Variants in DIAPH1 observed in about 807,000 individuals in gnomAD.
DIAPH1 encodes the protein protein diaphanous homolog 1.
DIAPH1 carries 46 observed loss-of-function variants against 140.7 expected under a neutral mutation model. The ratio of observed to expected loss-of-function variants is 0.33; its 90% CI spans 0.26 to 0.42. The LOEUF (loss-of-function observed/expected upper bound fraction) is 0.42, where lower values mean the gene tolerates loss of function less well. DIAPH1 is among the 10% of genes least tolerant of loss of function. DIAPH1 has a pLI of 1.00. For synonymous variants in DIAPH1, 565 were observed against 551.6 expected, an observed-to-expected ratio of 1.02 and a Z score of -0.34; for missense variants, 1,310 against 1,558.7, an observed-to-expected ratio of 0.84 and a Z score of 2.69.
chr5:141,526,258 G>A (rs1475848492), intron 25 of DIAPH1, 39 bp downstream of exon 25: 10 of 1,614,078 alleles, frequency 6.2e-6, no homozygotes, highest in Non-Finnish European at 8.5e-6. Context: ...AGTGAGAAAT[G>A]CCCACAAAAG....
Position 141,606,512 on chromosome 5 carries a change from G to A in DIAPH1, c.117+12286C>T, listed in dbSNP as rs537936405. ...TGGGTTCAAGCAATTCTCCTGCCTC[G>A]GCCTCCCGGGTAGCTGGGACTACAA... On this transcript the variant is annotated intron_variant, in intron 1 of 27. Transcript: ENST00000389054. 4.6e-5 allele frequency among the ~76,000 whole-genome samples: 7 copies of A among 151,956 alleles called. No individual in the cohort carries two copies. In the East Asian group the frequency reaches 1.4e-3, roughly 30 times the overall value.
chr5:141,547,868 T>C (rs968333853), intron 18 of DIAPH1, among the ~76,000 whole-genome samples: 1 of 152,024 alleles, frequency 6.6e-6, no homozygotes, highest in African/African-American at 2.4e-5. Flanking sequence ...TGGCATATCA[T>C]CATAGTAAAA....
At chr5:141,527,408 C>T (rs1249297924) in intron 24 of DIAPH1, among the ~76,000 whole-genome samples, 165 bp downstream of exon 24, 1 of 151,910 alleles carries the variant, frequency 6.6e-6, no homozygotes, top group African/African-American at 2.4e-5. Flanking sequence ...ACAGAGAGAG[C>T]CTGTCTCAAA....
At chr5:141,530,256 A>C (rs956476330) in intron 19 of DIAPH1, among the ~76,000 whole-genome samples, 11 of 152,152 alleles carry the variant, frequency 7.2e-5, no homozygotes, top group African/African-American at 2.2e-4. Context: ...CTTCAGCCTT[A>C]TCAGGACCTC....
chr5:141,559,245 T>C (rs2099893147), intron 18 of DIAPH1, among the ~76,000 whole-genome samples: 1 of 152,182 alleles, frequency 6.6e-6, no homozygotes, highest in Non-Finnish European at 1.5e-5. Context: ...GGTTGTAATA[T>C]ACATAAGGGA....
intron 27 of DIAPH1, among the ~76,000 whole-genome samples, chr5:141,518,010 C>T (rs1424684105): frequency 6.6e-6 from 1 of 152,204 alleles, no homozygotes; most frequent in African/African-American, 2.4e-5. Context: ...TGTGTATACA[C>T]AAACAGCTGT....
At chr5:141,566,217 G>A (rs963001835) in intron 18 of DIAPH1, among the ~76,000 whole-genome samples, 1 of 152,154 alleles carries the variant, frequency 6.6e-6, no homozygotes, top group African/African-American at 2.4e-5. Context: ...ATCCTAGAAC[G>A]GGGGAATGGT....
In DIAPH1 at chr5:141,526,081, T is replaced by C; in HGVS notation, c.3531A>G (p.Leu1177=). The change falls in exon 26 of 28, where the codon CTA becomes CTG. Residue 1177 remains leucine, a synonymous_variant. Transcript: ENST00000389054. ...LAKEKAEKER[L]EKQQKREQLI... is the part of the protein sequence containing the mutation. Reference sequence around the variant, plus strand: ...GTTGCTCTCTCTTCTGCTGCTTCTCTAGCCGCTCCTTCTCTGCCTTCTCCT... The same window carrying C: ...GTTGCTCTCTCTTCTGCTGCTTCTCCAGCCGCTCCTTCTCTGCCTTCTCCT... The C allele has an allele frequency of 6.2e-7, 1 of 1,614,116 alleles. No individual in the cohort carries two copies. The highest frequency in any genetic ancestry group is 1.3e-5 in the African/African-American group (1 of 75,012).
chr5:141,528,459 T>C lies in DIAPH1; in HGVS notation c.3142A>G (p.Ser1048Gly). ...PDELAHVEKA[S>G]RVSAENLQKN... ...TCATTCCAAACTGCCCCACCTCGGC[T>C]GGCTTTCTCCACATGGGCAAGCTCG... is the stretch of plus-strand genomic sequence containing the variant. Residue 1048 changes from serine to glycine, a missense_variant, in exon 23 of 28, where the codon AGC (serine) becomes GGC (glycine). Ser to Gly is a moderately conservative substitution (Grantham distance 56). Transcript: ENST00000389054. 4 of 1,614,238 alleles carry C rather than the reference T, an allele frequency of 2.5e-6. No homozygotes were observed. Among genetic ancestry groups the C allele is most frequent in the Non-Finnish European group, 3.4e-6 (4 of 1,180,042 alleles).
intron 18 of DIAPH1, among the ~76,000 whole-genome samples, chr5:141,539,825 A>G (rs1054681652): frequency 6.6e-6 from 1 of 151,770 alleles, no homozygotes; most frequent in African/African-American, 2.4e-5. Context: ...TTCTTGGTCA[A>G]TCTGGCTAAA....
chr5:141,610,412 T>A (rs1355932684), intron 1 of DIAPH1, among the ~76,000 whole-genome samples: 1 of 152,156 alleles, frequency 6.6e-6, no homozygotes, highest in Non-Finnish European at 1.5e-5. Context: ...GCAATTCTCC[T>A]GCCTCAGCCT....
chr5:141,525,279 C>T lies in DIAPH1; in HGVS notation c.3574+759G>A, dbSNP rs145805190. 3.5e-3 allele frequency among the ~76,000 whole-genome samples: 532 copies of T among 152,254 alleles called. 5 individuals carry two copies. The highest frequency in any genetic ancestry group is 6.8e-3 in the Middle Eastern group (2 of 294). On this transcript the variant is annotated intron_variant, in intron 26 of 27. Coordinates refer to ENST00000389054, the MANE Select transcript of DIAPH1 (RefSeq NM_005219.5). ...AACAAACTCAGCAGCTCTGTGAACACCTCTTCATTTGCAGAAGGTTTGTGG... is the reference window on the plus strand; with the variant it reads ...AACAAACTCAGCAGCTCTGTGAACATCTCTTCATTTGCAGAAGGTTTGTGG...
chr5:141,587,449 A>G (rs1403173601), intron 2 of DIAPH1: 1 of 518,226 alleles, frequency 1.9e-6, no homozygotes, highest in South Asian at 2.1e-5. Flanking sequence ...TCTTTAAACT[A>G]GAAGAAACAT....
chr5:141,597,906 G>GT (rs2099899566), intron 1 of DIAPH1, among the ~76,000 whole-genome samples: 1 of 152,178 alleles, frequency 6.6e-6, no homozygotes, highest in African/African-American at 2.4e-5. Context: ...GTTGCATATG[G>GT]TAAGCTCAGA....
chr5:141,520,401 C>T (rs2099886332), intron 27 of DIAPH1, among the ~76,000 whole-genome samples: 1 of 152,152 alleles, frequency 6.6e-6, no homozygotes, highest in Non-Finnish European at 1.5e-5. Flanking sequence ...GCACTTGGGT[C>T]ATGGGGTGGA....
At chr5:141,618,672 A>G in intron 1 of DIAPH1, 126 bp downstream of exon 1, 1 of 635,570 alleles carries the variant, frequency 1.6e-6, no homozygotes, top group Non-Finnish European at 2.8e-6. Context: ...CTGCGGACCG[A>G]GCGAAACGAG....
At chr5:141,609,209 T>C (rs1053759801) in intron 1 of DIAPH1, among the ~76,000 whole-genome samples, 4 of 151,702 alleles carry the variant, frequency 2.6e-5, no homozygotes, top group Non-Finnish European at 5.9e-5. Context: ...CCACTACGCT[T>C]TTTACATCTA....
At chr5:141,606,191 T>C (rs1002374865) in intron 1 of DIAPH1, among the ~76,000 whole-genome samples, 3 of 152,206 alleles carry the variant, frequency 2.0e-5, no homozygotes, top group Admixed American at 6.5e-5. Flanking sequence ...CTACTGCCAC[T>C]AGTACTTTTT....
In DIAPH1 at chr5:141,574,174, T is replaced by C; in HGVS notation, c.1676A>G (p.Lys559Arg). ...CGCAGAGAGGGAAGCCATTTCTTTCTTGGCATCTTCCAGTTCCTTTGTCAG... is the reference window on the plus strand; with the variant it reads ...CGCAGAGAGGGAAGCCATTTCTTTCCTGGCATCTTCCAGTTCCTTTGTCAG... Reference protein sequence around the residue: ...AKLTKELEDAKKEMASLSAAA... With the variant: ...AKLTKELEDARKEMASLSAAA... The change falls in exon 16 of 28, where the codon AAG becomes AGG. Residue 559 changes from lysine (K) to arginine (R), a missense_variant. Lys to Arg is a conservative substitution (Grantham distance 26). Around this residue, in one of 3 missense-constraint regions of DIAPH1, gnomAD observed 589 missense variants for 549.3 expected, o/e 1.07. Coordinates refer to ENST00000389054, the MANE Select transcript of DIAPH1 (RefSeq NM_005219.5). 1 of 1,614,112 alleles carries C rather than the reference T, an allele frequency of 6.2e-7. No homozygotes were observed. Among genetic ancestry groups the C allele is most frequent in the Non-Finnish European group, 8.5e-7 (1 of 1,180,018 alleles).
Sources: allele counts gnomAD v4.1 joint callset (sites outside exome capture counted in the v4.1 genomes callset), GRCh38; gene constraint gnomAD v4.1.1; regional missense constraint gnomAD v4.1.1; transcripts MANE v1.5; gene names NCBI Gene and HGNC (gene_info 2026-07-23, HGNC 2026-07-21).